The following APTX variants were observed in gnomAD, a reference collection of about 807,000 sequenced individuals.
The protein encoded by APTX is aprataxin.
APTX carries 33 observed loss-of-function variants against 42.3 expected under a neutral mutation model. The observed-to-expected ratio is 0.78, with a 90% CI of 0.59 to 1.04. The LOEUF (loss-of-function observed/expected upper bound fraction) is 1.04. Ranked by LOEUF, APTX falls within the 50% of genes least tolerant of loss-of-function variation. The probability of loss-of-function intolerance (pLI) is 0.00; values close to 1 mark genes in which losing one functional copy is unlikely to be tolerated. For missense variants in APTX, 421 were observed against 415.1 expected (o/e 1.01, Z -0.12); for synonymous variants, 130 against 146.7 (o/e 0.89, Z 0.82).
At position 32,974,558 on chromosome 9, in the gene APTX, A is replaced by G; in HGVS notation, c.774T>C (p.His258=). The G allele has an allele frequency of 6.4e-7, 1 of 1,572,356 alleles. No individual in the cohort carries two copies. Among genetic ancestry groups the G allele is most frequent in the Non-Finnish European group, 8.6e-7 (1 of 1,159,700 alleles). Reference sequence around the variant, plus strand: ...CCTGGCTGATCACATGAAGATGTACATGGCTAGTTGAAAGAAAAAAAAACT... The same window carrying G: ...CCTGGCTGATCACATGAAGATGTACGTGGCTAGTTGAAAGAAAAAAAAACT... ...LGYHAIPSMS[H]VHLHVISQDF... Residue 258 remains histidine (H), a synonymous_variant, in exon 7 of 8, where the codon CAT becomes CAC. Transcript: ENST00000379817.
chr9:32,988,303 C>T (rs188796889), intron 2 of APTX, among the ~76,000 whole-genome samples, 174 bp from the exon 3 acceptor site: 1 of 152,268 alleles, frequency 6.6e-6, no homozygotes, highest in East Asian at 1.9e-4. Flanking sequence ...CCAAATCCTA[C>T]CAATTTCTAA....
At chr9:32,979,050 A>G (rs1260428697) in intron 6 of APTX, among the ~76,000 whole-genome samples, 3 of 152,022 alleles carry the variant, frequency 2.0e-5, no homozygotes, top group Non-Finnish European at 4.4e-5. Flanking sequence ...ACTTTTTAAA[A>G]CTTTTAGGTT....
At chr9:32,996,024 G>A (rs1834826415) in intron 1 of APTX, among the ~76,000 whole-genome samples, 1 of 152,096 alleles carries the variant, frequency 6.6e-6, no homozygotes, top group Non-Finnish European at 1.5e-5. Flanking sequence ...TGAAGGCTCA[G>A]GTGACTATTA....
intron 1 of APTX, among the ~76,000 whole-genome samples, chr9:32,991,770 C>T (rs1356934502): frequency 7.3e-6 from 1 of 136,856 alleles, no homozygotes; most frequent in Non-Finnish European, 1.6e-5. Flanking sequence ...GGGCAAGGCT[C>T]CATCTCAAGA....
chr9:32,981,411 T>C (rs1482766928), intron 6 of APTX, among the ~76,000 whole-genome samples: 1 of 152,098 alleles, frequency 6.6e-6, no homozygotes, highest in African/African-American at 2.4e-5. Context: ...CACAGAATTA[T>C]AGGGGTGTGT....
At chr9:32,979,541 G>A (rs10971260) in intron 6 of APTX, 10,885 of 154,044 alleles carry the variant, frequency 0.071, 516 homozygotes, top group Non-Finnish European at 0.11. Context: ...AGATATTTTG[G>A]TAGTTATTCC....
At chr9:33,022,412 T>A (rs1838459867) in intron 1 of APTX, among the ~76,000 whole-genome samples, 1 of 152,254 alleles carries the variant, frequency 6.6e-6, no homozygotes, top group South Asian at 2.1e-4. Context: ...GCCCTCATAT[T>A]GGCAAGGCCC....
At chr9:32,977,205 AC>A (rs1829628406) in intron 6 of APTX, among the ~76,000 whole-genome samples, 1 of 152,196 alleles carries the variant, frequency 6.6e-6, no homozygotes, top group Non-Finnish European at 1.5e-5. Context: ...TATAAAAATG[AC>A]CCAAGCACGT....
chr9:32,976,179 G>T (rs991241782), intron 6 of APTX, among the ~76,000 whole-genome samples: 2 of 145,782 alleles, frequency 1.4e-5, no homozygotes, highest in Non-Finnish European at 3.0e-5. Context: ...ACTAAACAAT[G>T]AGATCACTTG....
upstream of APTX, among the ~76,000 whole-genome samples, chr9:33,006,536 C>G (rs1837157995): frequency 6.6e-6 from 1 of 152,016 alleles, no homozygotes; most frequent in African/African-American, 2.4e-5. Flanking sequence ...GCAGGTGAAG[C>G]CAGAGGCTGT....
rs112065189 is a variant in APTX, at chr9:32,977,076, G to A, written c.771-2515C>T. ...TGTAATTTCCATTTATGTATTAACA[G>A]AGAATTTCTACTGCACATGTTTTAA... On this transcript the variant is annotated intron_variant, in intron 6 of 7. Transcript: ENST00000379817. Among the ~76,000 whole-genome samples, 511 of 152,274 alleles carry A rather than the reference G, an allele frequency of 3.4e-3. 3 individuals are homozygous for A. The highest frequency in any genetic ancestry group is 0.012 in the African/African-American group (493 of 41,548).
chr9:33,016,139 A>C (rs915606775), intron 1 of APTX: 1 of 152,230 alleles, frequency 6.6e-6, no homozygotes, highest in African/African-American at 2.4e-5. Flanking sequence ...GTTCAGTCTC[A>C]TATCTGTGCA....
At chr9:32,989,711 A>G in intron 2 of APTX, 48 bp downstream of exon 2, 1 of 1,612,882 alleles carries the variant, frequency 6.2e-7, no homozygotes, top group Non-Finnish European at 8.5e-7. Flanking sequence ...TTTGGTTATC[A>G]CTATCCCACA....
chr9:33,001,202 C>T (rs1427198425), intron 1 of APTX: 1 of 942,216 alleles, frequency 1.1e-6, no homozygotes, highest in African/African-American at 1.7e-5. Context: ...CTGCTAAGGT[C>T]CCTCAAGTGC....
chr9:33,008,974 A>G (rs757966767), intron 1 of APTX, among the ~76,000 whole-genome samples: 8 of 152,246 alleles, frequency 5.3e-5, no homozygotes, highest in Non-Finnish European at 8.8e-5. Context: ...CATAAAAACT[A>G]CACCCTGTAA....
chr9:33,022,202 T>C (rs1028919401), intron 1 of APTX, among the ~76,000 whole-genome samples: 1 of 152,052 alleles, frequency 6.6e-6, no homozygotes, highest in Non-Finnish European at 1.5e-5. Flanking sequence ...TTGTAACACA[T>C]GACAGACTAA....
chr9:33,004,268 G>A (rs1362023064), upstream of APTX, among the ~76,000 whole-genome samples: 1 of 152,190 alleles, frequency 6.6e-6, no homozygotes, highest in Non-Finnish European at 1.5e-5. Flanking sequence ...TGGAGATTCA[G>A]AAGTGGAGAG....
intron 1 of APTX, among the ~76,000 whole-genome samples, chr9:33,013,423 A>G (rs1241844668): frequency 1.3e-5 from 2 of 152,140 alleles, no homozygotes; most frequent in Non-Finnish European, 2.9e-5. Context: ...TGAAAAAAAG[A>G]AAAAGGTAAA....
At chr9:32,974,310 G>A (rs1828791419) in intron 7 of APTX, 148 bp downstream of exon 7, 1 of 641,260 alleles carries the variant, frequency 1.6e-6, no homozygotes, top group Non-Finnish European at 2.8e-6. Context: ...AAATAATCCA[G>A]TTTCTTTTCA....
Sources: allele counts gnomAD v4.1 joint callset (sites outside exome capture counted in the v4.1 genomes callset), GRCh38; gene constraint gnomAD v4.1.1; transcripts MANE v1.5; gene names NCBI Gene and HGNC (gene_info 2026-07-23, HGNC 2026-07-21).